Variants in ANO7 observed in about 807,000 individuals in gnomAD.
ANO7 encodes anoctamin 7, also known as anoctamin-7.
In ANO7, 114 loss-of-function variants were observed where a neutral mutation model predicts 115.8. That is an observed-to-expected ratio of 0.98 (90% CI 0.85 to 1.15). The LOEUF is 1.15. ANO7 is among the 50% of genes most tolerant of loss of function. The pLI, the probability that ANO7 is intolerant of heterozygous loss-of-function variation, is 0.00. For missense variants in ANO7, 1,302 were observed against 1,201.2 expected (o/e 1.08, Z -1.24); for synonymous variants, 550 against 498.2 (o/e 1.10, Z -1.38).
chr2:241,212,885 C>A (rs2068747329), intron 17 of ANO7: 2 of 473,820 alleles, frequency 4.2e-6, no homozygotes, highest in Non-Finnish European at 7.7e-6. Context: ...GTAATCTCAG[C>A]ACTTAGGGAG....
chr2:241,210,952 G>A (rs752274602), intron 15 of ANO7, among the ~76,000 whole-genome samples: 2 of 152,142 alleles, frequency 1.3e-5, no homozygotes, highest in Non-Finnish European at 2.9e-5. Context: ...TTACAGGCAT[G>A]AGCCACAGCA....
At chr2:241,229,577 A>G, downstream of ANO7, 1 of 1,574,754 alleles carries the variant, frequency 6.4e-7, no homozygotes, top group Non-Finnish European at 8.7e-7. Flanking sequence ...AGCAGGCTGG[A>G]GAGGGTTCTG....
chr2:241,232,235 A>C, the ANO7 span, among the ~76,000 whole-genome samples: 1 of 151,896 alleles, frequency 6.6e-6, no homozygotes. Context: ...CACTTGGCTC[A>C]TGGTGTATTA....
the ANO7 span, chr2:241,236,537 C>A: frequency 2.3e-4 from 333 of 1,471,464 alleles, no homozygotes; most frequent in African/African-American, 4.1e-3. Context: ...CCGTCCATCC[C>A]ATCCAGGCCA....
chr2:241,217,478 C>A, intron 19 of ANO7: 1 of 587,432 alleles, frequency 1.7e-6, no homozygotes, highest in Non-Finnish European at 2.9e-6. Flanking sequence ...GCACGGAGCG[C>A]AGGGCAGGAC....
intron 11 of ANO7, among the ~76,000 whole-genome samples, chr2:241,208,462 G>C (rs6720362): frequency 0.058 from 8,867 of 152,172 alleles, 844 homozygotes; most frequent in African/African-American, 0.2. Context: ...CTGTGTCTGC[G>C]TGCTGGTTCC....
chr2:241,216,224 A>T lies in ANO7; in HGVS notation c.1958A>T (p.Glu653Val), dbSNP rs779440215. The T allele has an allele frequency of 1.2e-6, 2 of 1,604,032 alleles. No homozygotes were observed. Among genetic ancestry groups the T allele is most frequent in the South Asian group, 2.2e-5 (2 of 89,792 alleles). ...GTGCCCTGTGAGGGTCTGTTTGACG[A>T]GTACCTGGAAATGGGTAGGAGCCCG... is the stretch of plus-strand genomic sequence containing the variant. ...ELVPCEGLFD[E>V]YLEMVLQFGF... Residue 653 changes from glutamate to valine, a missense_variant, in exon 19 of 25, where the codon GAG becomes GTG. Glu to Val is a moderately radical substitution (Grantham distance 121). Coordinates refer to ENST00000674324, the MANE Select transcript of ANO7 (RefSeq NM_001370694.2).
In ANO7 at chr2:241,218,344, C is replaced by T. The variant is rs1240951042; in HGVS notation, c.2284C>T (p.Pro762Ser). ...GFLNFTLARA[P>S]SSFAAAHNRT... is the part of the protein sequence containing the mutation. ...CCTCAACTTCACGCTGGCGCGAGCC[C>T]CGTCCTCCTTCGCCGCCGCGCACAA... The change falls in exon 21 of 25, where the codon CCG becomes TCG. Residue 762 changes from proline to serine, a missense_variant. Transcript: ENST00000674324. The T allele has an allele frequency of 1.3e-6, 2 of 1,489,748 alleles. No individual in the cohort carries two copies. Among genetic ancestry groups the T allele is most frequent in the Admixed American group, 2.2e-5 (1 of 46,464 alleles). 92.3% of individuals were successfully genotyped at this position (1,489,748 alleles called of 1,614,324 possible). A position where few individuals can be genotyped will look rare whatever the true frequency, so the allele number is the denominator to read the frequency against.
At chr2:241,221,179 G>A (rs1037168040) in intron 21 of ANO7, among the ~76,000 whole-genome samples, 6 of 150,978 alleles carry the variant, frequency 4.0e-5, no homozygotes, top group South Asian at 2.1e-4. Context: ...GGGTTCAAGC[G>A]ATTCTCCTGC....
At chr2:241,223,322 C>T (rs758621706) in intron 22 of ANO7, 46 bp downstream of exon 22, 19 of 1,601,114 alleles carry the variant, frequency 1.2e-5, no homozygotes, top group East Asian at 4.5e-5. Context: ...CATGAGGCCC[C>T]GACCCTGTGC....
intron 11 of ANO7, among the ~76,000 whole-genome samples, chr2:241,208,078 T>G (rs2068631600): frequency 6.6e-6 from 1 of 151,744 alleles, no homozygotes; most frequent in Non-Finnish European, 1.5e-5. Context: ...AGCCCCACTG[T>G]CCCCCCTCCC....
In ANO7 at chr2:241,203,860, C is replaced by G. The variant is rs940281980; in HGVS notation, c.889+362C>G. 2.6e-5 allele frequency among the ~76,000 whole-genome samples: 4 copies of G among 152,036 alleles called. No homozygotes were observed. The highest frequency in any genetic ancestry group is 5.9e-5 in the Non-Finnish European group (4 of 67,978). On this transcript the variant is annotated intron_variant, in intron 9 of 24. Transcript: ENST00000674324. This position sits in a 1 kb window ranked among gnomAD's most constrained non-coding sequence, Gnocchi z 4.8. ...GCCCCTGCCTGGGTCCAGGCCAAGC[C>G]TCTCATCTCCTCCAAGCAGGCCATC...
the ANO7 span, among the ~76,000 whole-genome samples, chr2:241,236,977 TGGGGGGGGGG>T: frequency 9.2e-6 from 1 of 108,198 alleles, no homozygotes; most frequent in Admixed American, 8.6e-5. Context: ...TCCCAGACCT[TGGGGGGGGGG>T]GGGGGGGCGG....
In ANO7 at chr2:241,203,298, G is replaced by T; in HGVS notation, c.724-35G>T. On this transcript the variant is annotated intron_variant, in intron 8 of 24. Transcript: ENST00000674324. The surrounding 1 kb of genome is among the most constrained non-coding windows in gnomAD (Gnocchi z 4.8). The stretch of plus-strand genomic sequence containing the variant: ...CAACAGTGCCCAGTGGGGTCAGCTG[G>T]GGGAGCCTCCCACCCACAGGCCGCT... 1 of 1,480,618 alleles carries T rather than the reference G, an allele frequency of 6.8e-7. No individual in the cohort carries two copies. Among genetic ancestry groups the T allele is most frequent in the Non-Finnish European group, 9.0e-7 (1 of 1,114,418 alleles). 91.7% of individuals were successfully genotyped at this position (1,480,618 alleles called of 1,614,324 possible). A position where few individuals can be genotyped will look rare whatever the true frequency, so the allele number is the denominator to read the frequency against.
At chr2:241,238,535 A>G in the ANO7 span, 1 of 846,576 alleles carries the variant, frequency 1.2e-6, no homozygotes, top group East Asian at 2.8e-5. The surrounding 1 kb of genome is among the most constrained non-coding windows in gnomAD (Gnocchi z 4.9). Flanking sequence ...CAGAATACAT[A>G]GATGGTTTTC....
chr2:241,196,878 T>C (rs2068348240), intron 4 of ANO7, among the ~76,000 whole-genome samples: 1 of 132,840 alleles, frequency 7.5e-6, no homozygotes, highest in Non-Finnish European at 1.7e-5. Flanking sequence ...TGTGTGTGTG[T>C]GTGTGTCCTT....
chr2:241,204,779 A>G, intron 9 of ANO7, 86 bp from the exon 10 acceptor site: 1 of 1,000,066 alleles, frequency 1.0e-6, no homozygotes, highest in East Asian at 2.4e-5. Context: ...GGTGGTCCCT[A>G]GGGGACAAGC....
chr2:241,217,660 G>A (rs373437444), intron 19 of ANO7, 26 bp from the exon 20 acceptor site: 2 of 1,556,352 alleles, frequency 1.3e-6, no homozygotes, highest in Non-Finnish European at 1.7e-6. Context: ...GTGGCGGAGA[G>A]CCCGGCCGTG....
At chr2:241,200,544 C>T (rs1385265976) in intron 6 of ANO7, among the ~76,000 whole-genome samples, 3 of 152,186 alleles carry the variant, frequency 2.0e-5, no homozygotes, top group Non-Finnish European at 1.5e-5. Flanking sequence ...AGGGCCCGGG[C>T]GATGGAGGCT....
Sources: gnomAD v4.1 joint callset for allele counts (sites outside exome capture counted in the v4.1 genomes callset) on GRCh38, gnomAD v4.1.1 for gene constraint, Gnocchi (gnomAD v3.1) non-coding constraint, MANE v1.5 for transcripts, NCBI Gene and HGNC (gene_info 2026-07-23, HGNC 2026-07-21) for gene names.